The following MGAT4C variants were observed in gnomAD, a reference collection of about 807,000 sequenced individuals.
The protein encoded by MGAT4C is MGAT4 family member C.
A neutral mutation model predicts 40.1 loss-of-function variants in MGAT4C; 19 were observed. The observed-to-expected ratio is 0.47, with a 90% CI of 0.33 to 0.70. The LOEUF (loss-of-function observed/expected upper bound fraction) is 0.70. Ranked by LOEUF, MGAT4C falls within the 30% of genes least tolerant of loss-of-function variation. The pLI is 0.02. For synonymous variants in MGAT4C, 181 were observed against 187.1 expected (o/e 0.97, Z 0.27); for missense variants, 491 against 563.2 (o/e 0.87, Z 1.30).
chr12:86,574,007 C>G (rs934724121), intron 2 of MGAT4C, among the ~76,000 whole-genome samples: 1 of 151,580 alleles, frequency 6.6e-6, no homozygotes, highest in African/African-American at 2.4e-5. Context: ...ACACAAGGTA[C>G]GTTGAATAAT....
intron 3 of MGAT4C, among the ~76,000 whole-genome samples, chr12:86,367,651 T>G (rs1023271037): frequency 6.6e-6 from 1 of 152,008 alleles, no homozygotes; most frequent in Non-Finnish European, 1.5e-5. Context: ...TACAAAAAAT[T>G]AGCTGGGCGT....
intron 1 of MGAT4C, among the ~76,000 whole-genome samples, chr12:86,164,844 A>ATTGGAC (rs1304532136): frequency 6.6e-6 from 1 of 152,116 alleles, no homozygotes; most frequent in East Asian, 1.9e-4. Flanking sequence ...TTTTAATGAG[A>ATTGGAC]TTGGACGTGA....
At chr12:86,651,806 T>C (rs945976769) in intron 2 of MGAT4C, among the ~76,000 whole-genome samples, 1 of 151,812 alleles carries the variant, frequency 6.6e-6, no homozygotes, top group Non-Finnish European at 1.5e-5. Flanking sequence ...TGCTTACTTA[T>C]GAAACAGGAT....
At chr12:86,587,489 A>C (rs892288644) in intron 2 of MGAT4C, among the ~76,000 whole-genome samples, 1 of 152,010 alleles carries the variant, frequency 6.6e-6, no homozygotes, top group Admixed American at 6.6e-5. Flanking sequence ...CTGTGAAGAA[A>C]GTCATTGGTA....
At chr12:86,051,543 A>T (rs1892891534) in intron 1 of MGAT4C, among the ~76,000 whole-genome samples, 1 of 151,914 alleles carries the variant, frequency 6.6e-6, no homozygotes, top group Non-Finnish European at 1.5e-5. Flanking sequence ...AATAAAAAGT[A>T]ATTAAGCAAA....
At chr12:86,243,421 C>A (rs1257875829) in intron 1 of MGAT4C, among the ~76,000 whole-genome samples, 1 of 152,126 alleles carries the variant, frequency 6.6e-6, no homozygotes, top group Admixed American at 6.5e-5. Context: ...TGTCTTATTC[C>A]CTCCCCTTGA....
intron 1 of MGAT4C, among the ~76,000 whole-genome samples, chr12:86,093,775 C>T (rs374339026): frequency 1.0e-4 from 14 of 138,684 alleles, no homozygotes; most frequent in Non-Finnish European, 1.9e-4. Context: ...AACAACAACA[C>T]CTACAAGGCC....
intron 2 of MGAT4C, among the ~76,000 whole-genome samples, chr12:86,463,164 A>C (rs1233295105): frequency 6.6e-6 from 1 of 152,082 alleles, no homozygotes; most frequent in Non-Finnish European, 1.5e-5. Flanking sequence ...GCTGAGAATA[A>C]ATTAATTTAT....
chr12:86,029,647 C>T (rs942819418), intron 2 of MGAT4C, among the ~76,000 whole-genome samples: 1 of 151,886 alleles, frequency 6.6e-6, no homozygotes, highest in Non-Finnish European at 1.5e-5. Context: ...TCTCTATTTT[C>T]ATTTTCTTCA....
intron 2 of MGAT4C, among the ~76,000 whole-genome samples, chr12:86,489,127 C>A (rs1474339504): frequency 6.6e-6 from 1 of 152,126 alleles, no homozygotes; most frequent in Admixed American, 6.6e-5. Context: ...CCAGACTCAG[C>A]CAGCAGAGGA....
intron 4 of MGAT4C, among the ~76,000 whole-genome samples, chr12:86,283,423 C>G (rs556800161): frequency 6.6e-6 from 1 of 151,842 alleles, no homozygotes; most frequent in African/African-American, 2.4e-5. Context: ...AATTTCCACT[C>G]TTTAGAAATT....
chr12:86,795,881 A>G (rs1307369281), intron 1 of MGAT4C, among the ~76,000 whole-genome samples: 1 of 151,922 alleles, frequency 6.6e-6, no homozygotes, highest in Non-Finnish European at 1.5e-5. Context: ...CTTTTTATGA[A>G]TGCCTGTAAA....
chr12:86,232,826 T>C (rs1242543478), intron 1 of MGAT4C, among the ~76,000 whole-genome samples: 3 of 152,110 alleles, frequency 2.0e-5, no homozygotes, highest in African/African-American at 4.8e-5. Flanking sequence ...TTTCACAAGT[T>C]TGAAGGTGAG....
At chr12:86,711,254 G>A (rs1357735841) in intron 2 of MGAT4C, among the ~76,000 whole-genome samples, 1 of 152,052 alleles carries the variant, frequency 6.6e-6, no homozygotes, top group African/African-American at 2.4e-5. Flanking sequence ...GAAACAGTAT[G>A]GGAATAGAGA....
At chr12:86,091,617 A>G (rs1872899419) in intron 1 of MGAT4C, among the ~76,000 whole-genome samples, 1 of 152,126 alleles carries the variant, frequency 6.6e-6, no homozygotes, top group Admixed American at 6.6e-5. Context: ...ACTCAGAGAA[A>G]TGCTGAGGGA....
chr12:86,565,549 AT>A (rs1960055036), intron 2 of MGAT4C, among the ~76,000 whole-genome samples: 2 of 152,198 alleles, frequency 1.3e-5, no homozygotes, highest in Admixed American at 1.3e-4. Context: ...TGCACTTTGC[AT>A]GGATGGAGAA....
At chr12:86,443,483 C>T (rs867829108) in intron 2 of MGAT4C, among the ~76,000 whole-genome samples, 1 of 152,278 alleles carries the variant, frequency 6.6e-6, no homozygotes. Flanking sequence ...ATCTTAATTA[C>T]AACTGATGGA....
intron 2 of MGAT4C, among the ~76,000 whole-genome samples, chr12:86,527,668 C>A (rs1958909188): frequency 6.6e-6 from 1 of 152,106 alleles, no homozygotes; most frequent in South Asian, 2.1e-4. Flanking sequence ...TCTTTTATTT[C>A]TTTCATCAGA....
rs529215541 is a variant in MGAT4C, at chr12:86,027,589, A to G, written c.-7+22085T>C. ...ATAGGTCAATATACACTACAAAATT[A>G]TAACTATTTTATCTGATTAAGAATT... is the stretch of plus-strand genomic sequence containing the variant. On this transcript the variant is annotated intron_variant, in intron 2 of 4. Transcript: ENST00000611864. Among the ~76,000 whole-genome samples, 50 of 152,114 alleles carry G rather than the reference A, an allele frequency of 3.3e-4. No individual in the cohort carries two copies. The South Asian group carries it at 0.01, about 31-fold the overall frequency.
Sources: gnomAD v4.1 joint callset for allele counts (sites outside exome capture counted in the v4.1 genomes callset) on GRCh38, gnomAD v4.1.1 for gene constraint, MANE v1.5 for transcripts, NCBI Gene and HGNC (gene_info 2026-07-23, HGNC 2026-07-21) for gene names.